Variants in TLE4 observed in about 807,000 individuals in gnomAD.
The protein encoded by TLE4 is transducin-like enhancer protein 4.
In TLE4, 8 loss-of-function variants were observed where a neutral mutation model predicts 92.8. The ratio of observed to expected loss-of-function variants is 0.09; its 90% CI spans 0.05 to 0.16. The LOEUF (loss-of-function observed/expected upper bound fraction) is 0.16. Ranked by LOEUF, TLE4 falls within the 10% of genes least tolerant of loss-of-function variation. TLE4 has a pLI of 1.00. For synonymous variants in TLE4, 371 were observed against 374.1 expected, an observed-to-expected ratio of 0.99 and a Z score of 0.10; for missense variants, 675 against 997.6, an observed-to-expected ratio of 0.68 and a Z score of 4.36.
rs879752250 is a variant in TLE4, at chr9:79,720,385, T to G, written c.1838+92T>G. 66,934 of 339,672 alleles carry G rather than the reference T, an allele frequency of 0.2. 4,731 individuals carry two copies. The highest frequency in any genetic ancestry group is 0.25 in the East Asian group (3,536 of 14,188). 21.0% of individuals were successfully genotyped at this position (339,672 alleles called of 1,614,324 possible). A position where few individuals can be genotyped will look rare whatever the true frequency, so the allele number is the denominator to read the frequency against. On this transcript the variant is annotated intron_variant, in intron 16 of 19. Transcript: ENST00000376552. ...CTGTGTATATAGGTATGGGTGTGTGTGTGTGTGTGTGTGTGTGTGTGTGTG... is the reference window on the plus strand; with the variant it reads ...CTGTGTATATAGGTATGGGTGTGTGGGTGTGTGTGTGTGTGTGTGTGTGTG...
At chr9:79,636,875 T>C (rs900770268) in intron 6 of TLE4, among the ~76,000 whole-genome samples, 1 of 152,178 alleles carries the variant, frequency 6.6e-6, no homozygotes, top group Non-Finnish European at 1.5e-5. Context: ...TCAATAAATT[T>C]GCAGTAATTT....
chr9:79,722,989 A>G lies in TLE4; in HGVS notation c.2168A>G (p.Asn723Ser), dbSNP rs2075876408. 3 of 1,614,098 alleles carry G rather than the reference A, an allele frequency of 1.9e-6. No homozygotes were observed. In the South Asian group the frequency reaches 3.3e-5, roughly 18 times the overall value. Residue 723 changes from asparagine (N) to serine (S), a missense_variant, in exon 19 of 20, where the codon AAC (asparagine) becomes AGC (serine). By Grantham distance (46) the Asn-to-Ser change is conservative. This residue lies in a region of TLE4 where 170 missense variants were observed against 359.6 expected (regional missense o/e 0.47). Coordinates refer to ENST00000376552, the MANE Select transcript of TLE4 (RefSeq NM_007005.6). Reference protein sequence around the residue: ...GKWFVSTGKDNLLNAWRTPYG... With the variant: ...GKWFVSTGKDSLLNAWRTPYG... ...TGGTTTGTAAGCACTGGAAAGGACAACCTTCTGAATGCCTGGAGAACACCT... is the reference window on the plus strand; with the variant it reads ...TGGTTTGTAAGCACTGGAAAGGACAGCCTTCTGAATGCCTGGAGAACACCT...
chr9:79,626,969 G>A (rs2133532722), intron 5 of TLE4, among the ~76,000 whole-genome samples: 1 of 152,180 alleles, frequency 6.6e-6, no homozygotes, highest in East Asian at 1.9e-4. Context: ...TTACTTCCAG[G>A]AAACAATTTT....
chr9:79,672,039 G>C (rs1368147043), intron 8 of TLE4, among the ~76,000 whole-genome samples: 1 of 142,938 alleles, frequency 7.0e-6, no homozygotes, highest in African/African-American at 2.6e-5. Flanking sequence ...AGGTGGTGGT[G>C]GGGGAGGGGG....
intron 4 of TLE4, among the ~76,000 whole-genome samples, chr9:79,600,537 AC>A (rs2045359605): frequency 6.6e-6 from 1 of 151,542 alleles, no homozygotes; most frequent in Non-Finnish European, 1.5e-5. Flanking sequence ...AATAATTAAA[AC>A]CCTCCTACAG....
At chr9:79,666,593 G>A (rs563957109) in intron 8 of TLE4, among the ~76,000 whole-genome samples, 17 of 152,230 alleles carry the variant, frequency 1.1e-4, no homozygotes, top group African/African-American at 3.6e-4. Context: ...CTATGTACTA[G>A]GCTGGTAAAT....
intron 4 of TLE4, among the ~76,000 whole-genome samples, chr9:79,610,132 C>T (rs2048032237): frequency 6.6e-6 from 1 of 151,962 alleles, no homozygotes; most frequent in Admixed American, 6.6e-5. Context: ...CATCAGAAAG[C>T]AGGTCGCAGT....
intron 8 of TLE4, among the ~76,000 whole-genome samples, chr9:79,683,081 A>T (rs768231185): frequency 6.6e-6 from 1 of 152,210 alleles, no homozygotes; most frequent in Non-Finnish European, 1.5e-5. Flanking sequence ...AAAAATGTAC[A>T]AGACCTTATG....
At chr9:79,698,405 T>C (rs2068837990) in intron 8 of TLE4, among the ~76,000 whole-genome samples, 1 of 152,224 alleles carries the variant, frequency 6.6e-6, no homozygotes, top group Admixed American at 6.5e-5. Context: ...TTTTAAAGAA[T>C]ATATTGTTCA....
At chr9:79,647,056 T>C (rs7045190) in intron 6 of TLE4, among the ~76,000 whole-genome samples, 1,697 of 152,306 alleles carry the variant, frequency 0.011, 39 homozygotes, top group African/African-American at 0.038. Flanking sequence ...ATGAAAAAGC[T>C]TCTCTAAATG....
At chr9:79,666,997 C>A (rs1245151670) in intron 8 of TLE4, among the ~76,000 whole-genome samples, 2 of 152,228 alleles carry the variant, frequency 1.3e-5, no homozygotes, top group East Asian at 3.8e-4. Context: ...TTCTCAGGCA[C>A]TTTGGAGTTC....
intron 8 of TLE4, chr9:79,704,570 A>G (rs1472679582): frequency 1.8e-6 from 1 of 557,484 alleles, no homozygotes. Flanking sequence ...TTTCTTTCCC[A>G]TTATCTTTCC....
At chr9:79,591,606 T>A (rs1429284589) in intron 4 of TLE4, among the ~76,000 whole-genome samples, 1 of 152,112 alleles carries the variant, frequency 6.6e-6, no homozygotes, top group African/African-American at 2.4e-5. Flanking sequence ...TTGAAACGAT[T>A]TGAGTGGAGA....
intron 4 of TLE4, among the ~76,000 whole-genome samples, chr9:79,605,249 T>G (rs2046541657): frequency 6.6e-6 from 1 of 152,110 alleles, no homozygotes; most frequent in Non-Finnish European, 1.5e-5. Context: ...GACATCCCAC[T>G]TTTCCCTCCC....
Position 79,704,596 on chromosome 9 carries a change from A to G in TLE4, c.610-187A>G, listed in dbSNP as rs2070973979. On this transcript the variant is annotated intron_variant, in intron 8 of 19. Transcript: ENST00000376552. ...TTATCTTTCCCCCTTGTCTTTTGCT[A>G]CTTGTCTTTCCCTTTATATCCCTGT... 3 of 642,746 alleles carry G rather than the reference A, an allele frequency of 4.7e-6. No individual in the cohort carries two copies. The East Asian group carries it at 8.7e-5, about 19-fold the overall frequency. 39.8% of individuals were successfully genotyped at this position (642,746 alleles called of 1,614,324 possible). A position where few individuals can be genotyped will look rare whatever the true frequency, so the allele number is the denominator to read the frequency against.
rs951474942 is a variant in TLE4 at position 79,606,236 on chromosome 9, T to G, written c.253-6420T>G. ...TTTTTTTTTTTTTTTAACAAGCACT[T>G]GAACTGAAATAAAGCTTAGGCATGT... On this transcript the variant is annotated intron_variant, in intron 4 of 19. Transcript: ENST00000376552. Among the ~76,000 whole-genome samples, 6 of 118,846 alleles carry G rather than the reference T, an allele frequency of 5.0e-5. No individual in the cohort carries two copies. The Admixed American group carries it at 6.3e-4, about 12-fold the overall frequency. The allele number at this position is 118,846 out of a possible 152,430, so 78.0% of individuals were successfully genotyped here.
At chr9:79,718,005 G>A in intron 14 of TLE4, 2 of 456,630 alleles carry the variant, frequency 4.4e-6, no homozygotes, top group South Asian at 3.1e-5. Context: ...AGGACCAAAT[G>A]CTTTTACCAC....
intron 4 of TLE4, among the ~76,000 whole-genome samples, chr9:79,582,890 G>T (rs2040065458): frequency 6.6e-6 from 1 of 152,100 alleles, no homozygotes; most frequent in Non-Finnish European, 1.5e-5. Flanking sequence ...AAGCAGGGGG[G>T]CAGCACATTT....
At chr9:79,602,217 A>ATG (rs1411870685) in intron 4 of TLE4, among the ~76,000 whole-genome samples, 1 of 152,236 alleles carries the variant, frequency 6.6e-6, no homozygotes, top group Non-Finnish European at 1.5e-5. Context: ...GCAAGTACTG[A>ATG]TGTGGAATCT....
Sources: gnomAD v4.1 joint callset for allele counts (sites outside exome capture counted in the v4.1 genomes callset) on GRCh38, gnomAD v4.1.1 for gene constraint, gnomAD v4.1.1 regional missense constraint, MANE v1.5 for transcripts, NCBI Gene and HGNC (gene_info 2026-07-23, HGNC 2026-07-21) for gene names.